KALRN: variants seen among roughly 807,000 people sequenced by gnomAD.
The protein encoded by KALRN is kalirin.
KALRN carries 70 observed loss-of-function variants against 353.7 expected under a neutral mutation model. The ratio of observed to expected loss-of-function variants is 0.20; its 90% CI spans 0.16 to 0.24. KALRN has a LOEUF of 0.24. KALRN is among the 10% of genes least tolerant of loss of function. KALRN has a pLI of 1.00. For synonymous variants in KALRN, 1,391 were observed against 1,434.8 expected (o/e 0.97, Z 0.69); for missense variants, 2,791 against 3,756.7 (o/e 0.74, Z 6.72).
intron 7 of KALRN, among the ~76,000 whole-genome samples, chr3:124,327,499 A>G (rs138011494): frequency 5.4e-4 from 82 of 152,330 alleles, no homozygotes; most frequent in Non-Finnish European, 1.0e-3. Context: ...AGTATTGTAT[A>G]TGCTGTTGTT....
At chr3:124,146,587 G>C (rs895838909) in intron 1 of KALRN, among the ~76,000 whole-genome samples, 1 of 152,022 alleles carries the variant, frequency 6.6e-6, no homozygotes, top group Non-Finnish European at 1.5e-5. Context: ...ATGTTAAAAA[G>C]GGAGTAAGGG....
chr3:124,294,714 C>A (rs1220843698), intron 5 of KALRN, among the ~76,000 whole-genome samples: 1 of 151,722 alleles, frequency 6.6e-6, no homozygotes, highest in African/African-American at 2.4e-5. Flanking sequence ...AAAACAATGC[C>A]ATTTTTCTCA....
chr3:124,097,367 C>T (rs533159033), intron 1 of KALRN, among the ~76,000 whole-genome samples: 36 of 152,340 alleles, frequency 2.4e-4, no homozygotes, highest in South Asian at 1.2e-3. Flanking sequence ...TTAAGTGTAA[C>T]AGAATTTAGC....
At chr3:124,324,686 G>A (rs906850199) in intron 6 of KALRN, among the ~76,000 whole-genome samples, 1 of 152,178 alleles carries the variant, frequency 6.6e-6, no homozygotes, top group Non-Finnish European at 1.5e-5. Flanking sequence ...AATTAAGAGA[G>A]ACCCTACCAA....
At position 124,249,143 on chromosome 3, in the gene KALRN, G is replaced by C. The variant is rs115322592; in HGVS notation, c.263+14200G>C. Among the ~76,000 whole-genome samples, 560 of 152,320 alleles carry C rather than the reference G, an allele frequency of 3.7e-3. 4 individuals carry two copies. Among genetic ancestry groups the C allele is most frequent in the African/African-American group, 0.013 (535 of 41,572 alleles). ...AATTCTGTGGATACACAGGACACTT[G>C]TTTAGTTCTTACATACACACAAACT... On this transcript the variant is annotated intron_variant, in intron 3 of 59. Transcript: ENST00000682506.
chr3:124,416,264 C>T (rs1480415368), intron 14 of KALRN, among the ~76,000 whole-genome samples: 1 of 152,182 alleles, frequency 6.6e-6, no homozygotes, highest in Non-Finnish European at 1.5e-5. Flanking sequence ...AACGTCTGTC[C>T]CAAGAGCCAA....
intron 5 of KALRN, among the ~76,000 whole-genome samples, chr3:124,277,740 A>G (rs1362092519): frequency 2.0e-5 from 3 of 152,214 alleles, no homozygotes; most frequent in Admixed American, 2.0e-4. Context: ...CTCAGGCATG[A>G]GGCTTGGCTC....
intron 37 of KALRN, among the ~76,000 whole-genome samples, chr3:124,646,412 A>ATTTTTTTTTTTTTTTTTT (rs1559758779): frequency 8.0e-6 from 1 of 125,536 alleles, no homozygotes. Flanking sequence ...TTTTTTTGAG[A>ATTTTTTTTTTTTTTTTTT]CAGAGCCTTG....
chr3:124,301,849 A>G (rs1560505334), intron 6 of KALRN, among the ~76,000 whole-genome samples: 1 of 152,214 alleles, frequency 6.6e-6, no homozygotes, highest in African/African-American at 2.4e-5. Flanking sequence ...ACACATATAC[A>G]TATACCCACA....
intron 1 of KALRN, among the ~76,000 whole-genome samples, chr3:124,125,075 A>C (rs1435880542): frequency 1.3e-5 from 2 of 152,228 alleles, no homozygotes; most frequent in Non-Finnish European, 2.9e-5. Flanking sequence ...GTACAACCCT[A>C]GTTCAGAACC....
chr3:124,335,142 A>G (rs2081002932), intron 9 of KALRN, among the ~76,000 whole-genome samples: 1 of 152,098 alleles, frequency 6.6e-6, no homozygotes, highest in South Asian at 2.1e-4. Flanking sequence ...TGATTGCTAG[A>G]CAGCTTGGGG....
At chr3:124,463,436 T>G (rs1422077310) in intron 25 of KALRN, among the ~76,000 whole-genome samples, 1 of 152,122 alleles carries the variant, frequency 6.6e-6, no homozygotes, top group Non-Finnish European at 1.5e-5. Context: ...TGTGTACAGG[T>G]GTAGCAGCCA....
chr3:124,233,899 A>C (rs927330346), intron 2 of KALRN, among the ~76,000 whole-genome samples: 1 of 152,216 alleles, frequency 6.6e-6, no homozygotes, highest in African/African-American at 2.4e-5. Context: ...CTGTAAGGTC[A>C]TAGTTACCCT....
At chr3:124,655,258 A>C (rs963360611) in intron 38 of KALRN, among the ~76,000 whole-genome samples, 34 of 152,334 alleles carry the variant, frequency 2.2e-4, no homozygotes, top group African/African-American at 7.9e-4. Context: ...GTTTTGCCAA[A>C]ATGGTTGTCA....
At chr3:124,271,980 T>C (rs758838061) in intron 5 of KALRN, among the ~76,000 whole-genome samples, 6 of 152,192 alleles carry the variant, frequency 3.9e-5, no homozygotes, top group African/African-American at 1.4e-4. Context: ...GAGGTAATCA[T>C]TGGATACTCA....
At chr3:124,557,270 G>A (rs902083524) in intron 33 of KALRN, among the ~76,000 whole-genome samples, 4 of 152,050 alleles carry the variant, frequency 2.6e-5, no homozygotes, top group Non-Finnish European at 4.4e-5. Context: ...GGGGCAGGGG[G>A]GCGGTGATGT....
intron 29 of KALRN, among the ~76,000 whole-genome samples, chr3:124,489,204 G>C (rs1292339060): frequency 6.6e-6 from 1 of 152,172 alleles, no homozygotes; most frequent in Non-Finnish European, 1.5e-5. Flanking sequence ...CTACTCGGGA[G>C]GCTGAGGTGT....
Position 124,385,081 on chromosome 3 carries a change from C to A in KALRN, c.1962+45C>A. On this transcript the variant is annotated intron_variant, in intron 11 of 59. Coordinates refer to ENST00000682506, the MANE Select transcript of KALRN (RefSeq NM_001388419.1). ...AGAGGGCATTCTGTCCTGCCAGGGT[C>A]AGGTCGGCTTCCTAGTAAAATGGCC... is the stretch of plus-strand genomic sequence containing the variant. 4 of 1,512,116 alleles carry A rather than the reference C, an allele frequency of 2.6e-6. No homozygotes were observed. In the South Asian group the frequency reaches 4.0e-5, roughly 15 times the overall value. 93.7% of individuals were successfully genotyped at this position (1,512,116 alleles called of 1,614,324 possible). A position where few individuals can be genotyped will look rare whatever the true frequency, so the allele number is the denominator to read the frequency against.
intron 10 of KALRN, among the ~76,000 whole-genome samples, chr3:124,378,956 T>C (rs542329016): frequency 1.3e-5 from 2 of 152,084 alleles, no homozygotes; most frequent in African/African-American, 4.8e-5. Context: ...ATAGTTTTTG[T>C]TATATTTGAA....
Sources: gnomAD v4.1 joint callset for allele counts (sites outside exome capture counted in the v4.1 genomes callset) on GRCh38, gnomAD v4.1.1 for gene constraint, MANE v1.5 for transcripts, NCBI Gene and HGNC (gene_info 2026-07-23, HGNC 2026-07-21) for gene names.